Variants in ZBTB20 observed in about 807,000 individuals in gnomAD.
ZBTB20 encodes the protein zinc finger and BTB domain containing 20, also known as zinc finger and BTB domain-containing protein 20.
ZBTB20 carries 9 observed loss-of-function variants against 56.9 expected under a neutral mutation model. That is an observed-to-expected ratio of 0.16 (90% CI 0.10 to 0.28). ZBTB20 has a LOEUF of 0.28. Among genes scored for constraint, ZBTB20 ranks in the 10% least tolerant of loss-of-function variants. ZBTB20 has a pLI of 1.00. For missense variants in ZBTB20, 655 were observed against 1,003.0 expected (o/e 0.65, Z 4.69); for synonymous variants, 417 against 420.7 (o/e 0.99, Z 0.11).
intron 2 of ZBTB20, among the ~76,000 whole-genome samples, chr3:115,067,525 T>A (rs1464157350): frequency 6.6e-6 from 1 of 150,944 alleles, no homozygotes; most frequent in Admixed American, 6.6e-5. Context: ...GAAAGACATA[T>A]GCTATTTGAA....
At chr3:114,719,873 T>A (rs1221974758) in intron 5 of ZBTB20, among the ~76,000 whole-genome samples, 1 of 151,930 alleles carries the variant, frequency 6.6e-6, no homozygotes, top group Non-Finnish European at 1.5e-5. Context: ...ATGTCAAATA[T>A]CAGATCAGTC....
chr3:114,611,639 G>C (rs2057559917), intron 6 of ZBTB20, among the ~76,000 whole-genome samples: 1 of 152,136 alleles, frequency 6.6e-6, no homozygotes, highest in African/African-American at 2.4e-5. Context: ...GACTAGGATT[G>C]GGGTTGGTGG....
At chr3:114,665,090 AAAATATTC>A (rs1276319423) in intron 6 of ZBTB20, among the ~76,000 whole-genome samples, 1 of 152,136 alleles carries the variant, frequency 6.6e-6, no homozygotes, top group East Asian at 1.9e-4. Flanking sequence ...AGAGAAAAAC[AAAATATTC>A]AAATACAGTC....
At chr3:114,772,015 G>T (rs2108744927) in intron 5 of ZBTB20, among the ~76,000 whole-genome samples, 1 of 152,230 alleles carries the variant, frequency 6.6e-6, no homozygotes, top group South Asian at 2.1e-4. Flanking sequence ...ACCAGTGAAA[G>T]ACTTGAGATT....
chr3:114,650,359 G>A (rs546582380), intron 6 of ZBTB20, among the ~76,000 whole-genome samples: 3 of 151,862 alleles, frequency 2.0e-5, no homozygotes, highest in East Asian at 3.9e-4. Flanking sequence ...AATATGCATT[G>A]GCCTTTACTA....
chr3:114,716,673 C>T (rs1227375611), intron 5 of ZBTB20, among the ~76,000 whole-genome samples: 1 of 152,118 alleles, frequency 6.6e-6, no homozygotes, highest in East Asian at 1.9e-4. Flanking sequence ...CCACTGCTAA[C>T]ACTGGCCATT....
intron 2 of ZBTB20, among the ~76,000 whole-genome samples, chr3:115,062,279 T>A (rs888869330): frequency 8.5e-5 from 13 of 152,220 alleles, no homozygotes; most frequent in African/African-American, 2.4e-5. Context: ...GTGTCAGCAT[T>A]GAAACTTACA....
chr3:115,135,881 A>G (rs1008098754), intron 1 of ZBTB20, among the ~76,000 whole-genome samples: 1 of 152,156 alleles, frequency 6.6e-6, no homozygotes, highest in Non-Finnish European at 1.5e-5. Context: ...AATTGTGTGA[A>G]ATTTTATGAA....
At position 114,495,452 on chromosome 3, in the gene ZBTB20, T is replaced by C. The variant is rs893277846; in HGVS notation, c.-255+4900A>G. ...GTGTGTATCAGTGCAAGTCTGTGTA[T>C]ACACACACACACACACACACACACA... On this transcript the variant is annotated intron_variant, in intron 7 of 11. Transcript: ENST00000675478. 2.8e-4 allele frequency among the ~76,000 whole-genome samples: 42 copies of C among 149,126 alleles called. 1 individual carries two copies. The highest frequency in any genetic ancestry group is 9.3e-4 in the African/African-American group (38 of 40,768).
chr3:114,859,572 G>GTTTTTTTT (rs59741665), intron 4 of ZBTB20, among the ~76,000 whole-genome samples: 1 of 116,606 alleles, frequency 8.6e-6, no homozygotes, highest in African/African-American at 3.1e-5. Context: ...TTCTTATGGC[G>GTTTTTTTT]TTTTTTTTTT....
intron 5 of ZBTB20, among the ~76,000 whole-genome samples, chr3:114,774,193 T>C (rs2108751161): frequency 6.6e-6 from 1 of 152,326 alleles, no homozygotes; most frequent in South Asian, 2.1e-4. Context: ...GCACATATTC[T>C]ACTTTATAAT....
rs561197488 is a variant in ZBTB20, at chr3:114,895,752, T to C, written c.-417+4552A>G. 2.6e-5 allele frequency among the ~76,000 whole-genome samples: 4 copies of C among 152,270 alleles called. No homozygotes were observed. In the East Asian group the frequency reaches 7.7e-4, roughly 29 times the overall value. On this transcript the variant is annotated intron_variant, in intron 4 of 11. Transcript: ENST00000675478. Reference sequence around the variant, plus strand: ...CTATGCAATAATACATAGGTGGTAGTGGTGCACAAAATAAAGTATTTTGTA... The same window carrying C: ...CTATGCAATAATACATAGGTGGTAGCGGTGCACAAAATAAAGTATTTTGTA...
chr3:114,707,167 ATG>A (rs1234262336), intron 5 of ZBTB20, among the ~76,000 whole-genome samples: 1 of 152,168 alleles, frequency 6.6e-6, no homozygotes, highest in Non-Finnish European at 1.5e-5. Context: ...ATGTTATTAA[ATG>A]GCTTGTTTAC....
chr3:114,499,624 A>G (rs752827026), intron 7 of ZBTB20, among the ~76,000 whole-genome samples: 2 of 152,234 alleles, frequency 1.3e-5, no homozygotes, highest in Non-Finnish European at 2.9e-5. Flanking sequence ...TCATTGGCCT[A>G]GAATCTTTTT....
intron 4 of ZBTB20, among the ~76,000 whole-genome samples, chr3:114,893,887 C>T (rs2074744805): frequency 6.6e-6 from 1 of 152,164 alleles, no homozygotes; most frequent in South Asian, 2.1e-4. Context: ...AAAGCTTTAT[C>T]AGGTTCAGGA....
chr3:114,951,069 C>T (rs141176906), intron 3 of ZBTB20, among the ~76,000 whole-genome samples: 2,133 of 152,042 alleles, frequency 0.014, 32 homozygotes, highest in Non-Finnish European at 0.018. Context: ...TTGTGGTCTG[C>T]TAATGTTTTT....
At chr3:114,547,668 T>C (rs1245899302) in intron 6 of ZBTB20, among the ~76,000 whole-genome samples, 1 of 152,156 alleles carries the variant, frequency 6.6e-6, no homozygotes, top group Non-Finnish European at 1.5e-5. Flanking sequence ...TTAGGAGTAA[T>C]ACCTCCTTTG....
At chr3:114,746,101 A>G (rs1162128304) in intron 5 of ZBTB20, among the ~76,000 whole-genome samples, 4 of 152,204 alleles carry the variant, frequency 2.6e-5, no homozygotes, top group Non-Finnish European at 5.9e-5. Flanking sequence ...TTCTAGAAAC[A>G]AGGACATGCT....
At chr3:114,841,110 C>T (rs944487109) in intron 4 of ZBTB20, among the ~76,000 whole-genome samples, 3 of 152,062 alleles carry the variant, frequency 2.0e-5, no homozygotes, top group African/African-American at 7.2e-5. Flanking sequence ...CATACTACTC[C>T]CTACCTTAAG....
Sources: allele counts gnomAD v4.1 joint callset (sites outside exome capture counted in the v4.1 genomes callset), GRCh38; gene constraint gnomAD v4.1.1; transcripts MANE v1.5; gene names NCBI Gene and HGNC (gene_info 2026-07-23, HGNC 2026-07-21).